The following SLC14A2 variants were observed in gnomAD, a reference collection of about 807,000 sequenced individuals.
SLC14A2 encodes solute carrier family 14 member 2, also known as urea transporter 2.
A neutral mutation model predicts 104.6 loss-of-function variants in SLC14A2; 91 were observed. The ratio of observed to expected loss-of-function variants is 0.87; its 90% confidence interval spans 0.73 to 1.04. The LOEUF (loss-of-function observed/expected upper bound fraction) is 1.04, where lower values mean the gene tolerates loss of function less well. Ranked by LOEUF, SLC14A2 falls within the 50% of genes least tolerant of loss-of-function variation. The pLI is 0.00. For synonymous variants in SLC14A2, 476 were observed against 466.4 expected (o/e 1.02, Z -0.27); for missense variants, 1,189 against 1,156.0 (o/e 1.03, Z -0.41).
the SLC14A2 span, among the ~76,000 whole-genome samples, chr18:45,192,738 C>T: frequency 6.6e-6 from 1 of 151,922 alleles, no homozygotes; most frequent in Non-Finnish European, 1.5e-5. Context: ...CTCACTGCAA[C>T]CTCCGCCTCC....
intron 1 of SLC14A2, among the ~76,000 whole-genome samples, chr18:45,454,482 T>C (rs1030749963): frequency 6.6e-6 from 1 of 152,228 alleles, no homozygotes; most frequent in Admixed American, 6.5e-5. Context: ...ATAGTTTCTT[T>C]TGCTATGCAA....
chr18:45,591,859 C>A (rs72906320), intron 2 of SLC14A2, among the ~76,000 whole-genome samples: 12,106 of 152,270 alleles, frequency 0.08, 649 homozygotes, highest in Non-Finnish European at 0.12. Context: ...TCCAGGCTAG[C>A]CCATTTGCCA....
At chr18:45,662,212 G>A (rs2045947272) in intron 10 of SLC14A2, among the ~76,000 whole-genome samples, 1 of 152,074 alleles carries the variant, frequency 6.6e-6, no homozygotes. Flanking sequence ...CTGAGGCAGG[G>A]AATTGCTTGA....
chr18:45,678,632 T>G (rs1475049596), intron 18 of SLC14A2, among the ~76,000 whole-genome samples: 1 of 152,268 alleles, frequency 6.6e-6, no homozygotes, highest in African/African-American at 2.4e-5. Flanking sequence ...TAGGGAGTTC[T>G]GGGATTCACT....
intron 1 of SLC14A2, among the ~76,000 whole-genome samples, chr18:45,291,519 G>A (rs763760425): frequency 2.0e-4 from 30 of 152,158 alleles, no homozygotes; most frequent in Non-Finnish European, 3.1e-4. Context: ...AAGCTCAGCC[G>A]TTTTCTCCTA....
At chr18:45,491,623 C>A (rs796703234) in intron 2 of SLC14A2, among the ~76,000 whole-genome samples, 16 of 152,170 alleles carry the variant, frequency 1.1e-4, no homozygotes, top group African/African-American at 3.6e-4. Context: ...ATATAGTAAA[C>A]AATTCAGAAA....
chr18:45,523,351 A>G (rs776373007), intron 2 of SLC14A2, among the ~76,000 whole-genome samples: 3 of 151,434 alleles, frequency 2.0e-5, no homozygotes, highest in Non-Finnish European at 4.4e-5. Context: ...TTGTTTTGAG[A>G]TGGAATCTCA....
intron 12 of SLC14A2, 79 bp from the exon 13 acceptor site, chr18:45,666,856 C>A: frequency 2.4e-6 from 3 of 1,251,876 alleles, no homozygotes; most frequent in Non-Finnish European, 3.4e-6. Flanking sequence ...TATTTGGTCC[C>A]TGAGTGACCA....
At position 45,580,737 on chromosome 18, in the gene SLC14A2, T is replaced by C. The variant is rs148967824; in HGVS notation, c.-34-43894T>C. Among the ~76,000 whole-genome samples, 17 of 152,290 alleles carry C rather than the reference T, an allele frequency of 1.1e-4. No homozygotes were observed. In the East Asian group the frequency reaches 3.3e-3, roughly 29 times the overall value. On this transcript the variant is annotated intron_variant, in intron 2 of 20. Transcript: ENST00000586448. ...GGAGGCACAGGGAGGTCATATAACC[T>C]GCTCAAGGTCACAGAACGGGTAAGG...
intron 4 of SLC14A2, among the ~76,000 whole-genome samples, chr18:45,629,897 A>T (rs936932669): frequency 6.6e-6 from 1 of 152,168 alleles, no homozygotes; most frequent in African/African-American, 2.4e-5. Flanking sequence ...TCAACATCAC[A>T]TTTGTCCCTA....
intron 1 of SLC14A2, among the ~76,000 whole-genome samples, chr18:45,402,715 G>A (rs117819088): frequency 0.013 from 1,905 of 152,168 alleles, 18 homozygotes; most frequent in Admixed American, 0.016. Flanking sequence ...TATAAGAAAA[G>A]AATCTGAATT....
At chr18:45,543,270 T>C (rs1048491344) in intron 2 of SLC14A2, among the ~76,000 whole-genome samples, 2 of 152,102 alleles carry the variant, frequency 1.3e-5, no homozygotes, top group African/African-American at 4.8e-5. Flanking sequence ...TTGACTCACA[T>C]TTTTTAAAAT....
the SLC14A2 span, among the ~76,000 whole-genome samples, chr18:45,198,370 G>A: frequency 3.3e-5 from 5 of 152,030 alleles, no homozygotes; most frequent in African/African-American, 9.7e-5. Context: ...TGAGTTTGAT[G>A]AGTTTGATTC....
chr18:45,473,662 T>C (rs1261342995), intron 1 of SLC14A2, among the ~76,000 whole-genome samples: 1 of 152,228 alleles, frequency 6.6e-6, no homozygotes, highest in Non-Finnish European at 1.5e-5. Context: ...AGTTCACTCA[T>C]GATTTGGCTC....
chr18:45,450,999 G>A (rs557649297), intron 1 of SLC14A2, among the ~76,000 whole-genome samples: 8 of 152,186 alleles, frequency 5.3e-5, no homozygotes, highest in Admixed American at 2.0e-4. Flanking sequence ...AGGGAGCCAC[G>A]GTGTTTATAC....
chr18:45,201,551 A>AGTGTGTGTGT, the SLC14A2 span, among the ~76,000 whole-genome samples: 137 of 149,614 alleles, frequency 9.2e-4, no homozygotes, highest in Middle Eastern at 6.8e-3. Flanking sequence ...GTATGTGTGT[A>AGTGTGTGTGT]GTGTGTGTGT....
At chr18:45,393,710 T>C (rs777788251) in intron 1 of SLC14A2, among the ~76,000 whole-genome samples, 5 of 152,168 alleles carry the variant, frequency 3.3e-5, no homozygotes, top group Non-Finnish European at 5.9e-5. Context: ...CTCTTCCCCA[T>C]TCCTTCTTGG....
chr18:45,176,947 A>T, the SLC14A2 span, among the ~76,000 whole-genome samples: 1 of 152,154 alleles, frequency 6.6e-6, no homozygotes, highest in African/African-American at 2.4e-5. Context: ...GCCTTTTGAC[A>T]TTTCTACTTG....
At chr18:45,361,427 C>A (rs1247709283) in intron 1 of SLC14A2, among the ~76,000 whole-genome samples, 2 of 152,130 alleles carry the variant, frequency 1.3e-5, no homozygotes, top group Non-Finnish European at 2.9e-5. Flanking sequence ...ACCCAGCTCC[C>A]ACCTACACAA....
Sources: allele counts gnomAD v4.1 joint callset (sites outside exome capture counted in the v4.1 genomes callset), GRCh38; gene constraint gnomAD v4.1.1; transcripts MANE v1.5; gene names NCBI Gene and HGNC (gene_info 2026-07-23, HGNC 2026-07-21).